TENM4: variants seen among roughly 807,000 people sequenced by gnomAD.
TENM4 encodes the protein teneurin-4.
Under a neutral mutation model 243.3 loss-of-function variants are expected in TENM4, and 82 were observed. That is an observed-to-expected ratio of 0.34 (90% confidence interval 0.28 to 0.40). The LOEUF (loss-of-function observed/expected upper bound fraction) is 0.40. Ranked by LOEUF, TENM4 falls within the 10% of genes least tolerant of loss-of-function variation. The pLI is 1.00. For synonymous variants in TENM4, 1,412 were observed against 1,456.3 expected (o/e 0.97, Z 0.69); for missense variants, 3,138 against 3,673.3 (o/e 0.85, Z 3.77).
chr11:79,096,322 A>G lies in TENM4; in HGVS notation c.-65-26313T>C, dbSNP rs1254058623. 2.6e-5 allele frequency: 4 copies of G among 152,342 alleles called. No homozygotes were observed. In the East Asian group the frequency reaches 7.7e-4, roughly 30 times the overall value. 9.4% of individuals were successfully genotyped at this position (152,342 alleles called of 1,614,324 possible). ...TCGGCACCAGGCTGACATCGAGTAC[A>G]CAGTCAATGAAGAAACAAGGAGACT... On this transcript the variant is annotated intron_variant, in intron 4 of 33. Coordinates refer to ENST00000278550, the MANE Select transcript of TENM4 (RefSeq NM_001098816.3).
chr11:79,298,192 G>A (rs1243067618), intron 1 of TENM4, among the ~76,000 whole-genome samples: 1 of 152,068 alleles, frequency 6.6e-6, no homozygotes, highest in Non-Finnish European at 1.5e-5. Flanking sequence ...TGAGAAGTGA[G>A]CAACTTTTGG....
intron 3 of TENM4, among the ~76,000 whole-genome samples, chr11:79,210,035 A>C (rs1057277152): frequency 6.6e-6 from 1 of 152,212 alleles, no homozygotes; most frequent in Non-Finnish European, 1.5e-5. Flanking sequence ...ATTTATCCTT[A>C]CTTAACAGAC....
chr11:78,669,260 T>C lies in TENM4; in HGVS notation c.7085A>G (p.Asn2362Ser). The stretch of plus-strand genomic sequence containing the variant: ...AAAGACAGCAAGAGGGGTCCCGATG[T>C]TGTCACAAGCTATGTAAAACTCATC... ...SGDEFYIACDNIGTPLAVFSG... is the reference protein window; with the variant it reads ...SGDEFYIACDSIGTPLAVFSG... The change falls in exon 32 of 34, where the codon AAC becomes AGC. Residue 2362 changes from asparagine (N) to serine (S), a missense_variant. Physicochemically the swap from Asn to Ser is conservative, Grantham distance 46. Transcript: ENST00000278550. This position sits in a 1 kb window ranked among gnomAD's most constrained non-coding sequence, Gnocchi z 6.4. 2 of 1,614,028 alleles carry C rather than the reference T, an allele frequency of 1.2e-6. No homozygotes were observed. The highest frequency in any genetic ancestry group is 1.7e-6 in the Non-Finnish European group (2 of 1,179,900).
chr11:78,958,262 C>T (rs112623860), intron 6 of TENM4, among the ~76,000 whole-genome samples: 2,704 of 152,276 alleles, frequency 0.018, 71 homozygotes, highest in African/African-American at 0.053. Flanking sequence ...ATTTATTCCC[C>T]GACCCTCTTA....
At chr11:79,421,600 G>A (rs1858932313) in intron 1 of TENM4, among the ~76,000 whole-genome samples, 3 of 151,966 alleles carry the variant, frequency 2.0e-5, no homozygotes, top group Non-Finnish European at 2.9e-5. Flanking sequence ...GTAGAATGAG[G>A]AGTTTAAAAT....
intron 12 of TENM4, among the ~76,000 whole-genome samples, chr11:78,820,051 C>A (rs965241033): frequency 6.6e-6 from 1 of 152,162 alleles, no homozygotes; most frequent in Non-Finnish European, 1.5e-5. Flanking sequence ...ATCCCCTTTG[C>A]TCCTGAAATA....
intron 6 of TENM4, among the ~76,000 whole-genome samples, chr11:78,985,217 C>T (rs1857890240): frequency 6.6e-6 from 1 of 152,074 alleles, no homozygotes; most frequent in African/African-American, 2.4e-5. Context: ...CTACTCCGTG[C>T]CATGTCCTAT....
At chr11:79,071,982 G>A (rs1241589329) in intron 4 of TENM4, among the ~76,000 whole-genome samples, 6 of 152,128 alleles carry the variant, frequency 3.9e-5, no homozygotes, top group African/African-American at 1.2e-4. Context: ...GGCAAGGGGT[G>A]TAACTCGAGA....
chr11:78,848,700 G>A (rs939862527), intron 12 of TENM4, among the ~76,000 whole-genome samples: 7 of 152,132 alleles, frequency 4.6e-5, no homozygotes, highest in South Asian at 2.1e-4. Flanking sequence ...GCTGTTTACC[G>A]TATAAATCTT....
intron 1 of TENM4, among the ~76,000 whole-genome samples, chr11:79,387,887 C>G (rs915631150): frequency 6.6e-6 from 1 of 152,136 alleles, no homozygotes; most frequent in Non-Finnish European, 1.5e-5. Flanking sequence ...TGCTTGTGGT[C>G]CCAGCTCCTT....
chr11:79,264,228 A>G (rs1855844972), intron 2 of TENM4, among the ~76,000 whole-genome samples: 1 of 152,174 alleles, frequency 6.6e-6, no homozygotes, highest in African/African-American at 2.4e-5. Flanking sequence ...GTGCTTTACA[A>G]TCCCAAGCTA....
At chr11:78,828,546 GTATT>G in intron 12 of TENM4, among the ~76,000 whole-genome samples, 1 of 152,330 alleles carries the variant, frequency 6.6e-6, no homozygotes, top group Middle Eastern at 3.4e-3. Flanking sequence ...GATTTGAACA[GTATT>G]TCTTTCTTAT....
chr11:79,040,113 C>T (rs1816519), intron 6 of TENM4, among the ~76,000 whole-genome samples: 123,415 of 151,728 alleles, frequency 0.81, 50,672 homozygotes, highest in African/African-American at 0.85. Context: ...GTCTCTATTC[C>T]CTTTTTTCTC....
intron 25 of TENM4, among the ~76,000 whole-genome samples, chr11:78,718,211 G>A (rs1859565946): frequency 6.6e-6 from 1 of 152,158 alleles, no homozygotes; most frequent in Admixed American, 6.5e-5. Flanking sequence ...ATATCCAGGT[G>A]GCAGTTAATA....
chr11:78,825,324 T>C (rs1216755735), intron 12 of TENM4, among the ~76,000 whole-genome samples: 1 of 152,208 alleles, frequency 6.6e-6, no homozygotes, highest in Non-Finnish European at 1.5e-5. Context: ...ACCATATATA[T>C]GCACCTGGTA....
intron 6 of TENM4, chr11:79,021,739 T>C (rs1462110065): frequency 2.6e-5 from 4 of 152,192 alleles, no homozygotes; most frequent in African/African-American, 9.7e-5. Context: ...GTAATTGTGA[T>C]CACATGATGA....
At chr11:79,350,511 C>G (rs1389347015) in intron 1 of TENM4, among the ~76,000 whole-genome samples, 1 of 151,480 alleles carries the variant, frequency 6.6e-6, no homozygotes, top group African/African-American at 2.4e-5. Flanking sequence ...CTCACTGCAG[C>G]CTCGAACATC....
chr11:78,701,063 G>T (rs1355794759), intron 28 of TENM4, among the ~76,000 whole-genome samples: 3 of 151,246 alleles, frequency 2.0e-5, no homozygotes, highest in Non-Finnish European at 4.4e-5. Context: ...AATGAAAAGG[G>T]TTTTTTTTTG....
At chr11:78,996,680 G>A (rs1591192640) in intron 6 of TENM4, among the ~76,000 whole-genome samples, 1 of 152,344 alleles carries the variant, frequency 6.6e-6, no homozygotes, top group East Asian at 1.9e-4. Flanking sequence ...GTGGACCCAA[G>A]CAGTGCTGCT....
Sources: allele counts gnomAD v4.1 joint callset (sites outside exome capture counted in the v4.1 genomes callset), GRCh38; gene constraint gnomAD v4.1.1; non-coding constraint Gnocchi (gnomAD v3.1); transcripts MANE v1.5; gene names NCBI Gene and HGNC (gene_info 2026-07-23, HGNC 2026-07-21).